VTI1B: variants seen among roughly 807,000 people sequenced by gnomAD.
VTI1B encodes vesicle transport through interaction with t-SNAREs homolog 1B.
A neutral mutation model predicts 28.6 loss-of-function variants in VTI1B; 18 were observed. That is an observed-to-expected ratio of 0.63 (90% CI 0.43 to 0.93). VTI1B has a LOEUF of 0.93. VTI1B is among the 40% of genes least tolerant of loss of function. The probability of loss-of-function intolerance (pLI) is 0.00; values close to 1 mark genes in which losing one functional copy is unlikely to be tolerated. For missense variants in VTI1B, 283 were observed against 297.0 expected (o/e 0.95, Z 0.35); for synonymous variants, 100 against 107.9 (o/e 0.93, Z 0.46).
rs1256506594 is a variant in VTI1B at position 67,650,091 on chromosome 14, C to CAAGTACA, written c.*1287_*1293dup. 1 of 152,324 alleles carries CAAGTACA rather than the reference C, an allele frequency of 6.6e-6. No individual in the cohort carries two copies. Among genetic ancestry groups the CAAGTACA allele is most frequent in the African/African-American group, 2.4e-5 (1 of 41,404 alleles). The allele number at this position is 152,324 out of a possible 1,614,324, so 9.4% of individuals were successfully genotyped here. On this transcript the variant is annotated 3_prime_UTR_variant, in exon 6 of 6. Transcript: ENST00000554659. ...ACATATGGCTGAATTTTCTCTTGAT[C>CAAGTACA]AAGTACAAGACACTGGGTCAGTCTG...
At chr14:67,660,094 C>T (rs1453901041) in intron 2 of VTI1B, 172 bp from the exon 3 acceptor site, 2 of 638,160 alleles carry the variant, frequency 3.1e-6, no homozygotes, top group Non-Finnish European at 5.2e-6. Flanking sequence ...ATTCTGAATG[C>T]CTTGCATAGT....
intron 3 of VTI1B, chr14:67,657,203 G>A (rs1290939808): frequency 3.9e-5 from 6 of 152,148 alleles, no homozygotes; most frequent in Non-Finnish European, 8.8e-5. Context: ...GAGTGGTATT[G>A]CCTAGATGAC....
intron 1 of VTI1B, among the ~76,000 whole-genome samples, chr14:67,666,945 G>A (rs185513680): frequency 6.6e-6 from 1 of 152,288 alleles, no homozygotes; most frequent in Non-Finnish European, 1.5e-5. Context: ...TCTTTTTAGG[G>A]AGTTAGAATT....
intron 2 of VTI1B, among the ~76,000 whole-genome samples, chr14:67,660,962 T>C (rs2037326302): frequency 6.6e-6 from 1 of 152,196 alleles, no homozygotes; most frequent in Admixed American, 6.5e-5. Flanking sequence ...AGGAAGAAGA[T>C]AGTTCCCACA....
chr14:67,674,287 G>A (rs769473370), intron 1 of VTI1B, 88 bp downstream of exon 1: 260 of 1,261,106 alleles, frequency 2.1e-4, no homozygotes, highest in Non-Finnish European at 2.6e-4. Context: ...AGGAGACGCG[G>A]GCCCGGGTCT....
intron 1 of VTI1B, among the ~76,000 whole-genome samples, chr14:67,670,019 C>A (rs971559235): frequency 1.3e-5 from 2 of 152,144 alleles, no homozygotes; most frequent in African/African-American, 4.8e-5. Context: ...CACCTGAGCC[C>A]GGGAAGCCAA....
chr14:67,664,342 C>T (rs908137241), intron 1 of VTI1B, among the ~76,000 whole-genome samples: 1 of 152,140 alleles, frequency 6.6e-6, no homozygotes, highest in Non-Finnish European at 1.5e-5. Context: ...TGGAATCATA[C>T]AATATTTGTC....
In VTI1B at chr14:67,647,271, A is replaced by G. The variant is rs1276740537; in HGVS notation, c.*4114T>C. On this transcript the variant is annotated 3_prime_UTR_variant, in exon 6 of 6. Coordinates refer to ENST00000554659, the MANE Select transcript of VTI1B (RefSeq NM_006370.3). Reference sequence around the variant, plus strand: ...TGAATTTTTCTTTATCTCCATCTTTAATGCTTATCTTCTGAGATGACAAGC... The same window carrying G: ...TGAATTTTTCTTTATCTCCATCTTTGATGCTTATCTTCTGAGATGACAAGC... 2.5e-6 allele frequency: 1 copy of G among 403,520 alleles called. No homozygotes were observed. Among genetic ancestry groups the G allele is most frequent in the Non-Finnish European group, 4.4e-6 (1 of 226,226 alleles). The allele number at this position is 403,520 out of a possible 1,614,324, so 25.0% of individuals were successfully genotyped here. A position where few individuals can be genotyped will look rare whatever the true frequency, so the allele number is the denominator to read the frequency against.
rs533960827 is a variant in VTI1B, at chr14:67,672,733, G to A, written c.115+1642C>T. On this transcript the variant is annotated intron_variant, in intron 1 of 5. Coordinates refer to ENST00000554659, the MANE Select transcript of VTI1B (RefSeq NM_006370.3). ...GCTGGAATTACAGGTGTGAGCCACC[G>A]TACCCTGCCTGCAGTCTACTTTTCA... Among the ~76,000 whole-genome samples, 9 of 151,928 alleles carry A rather than the reference G, an allele frequency of 5.9e-5. No individual in the cohort carries two copies. In the South Asian group the frequency reaches 1.3e-3, roughly 21 times the overall value.
chr14:67,650,740 T>C lies in VTI1B; in HGVS notation c.*645A>G, dbSNP rs147982459. On this transcript the variant is annotated 3_prime_UTR_variant, in exon 6 of 6. Transcript: ENST00000554659. Reference sequence around the variant, plus strand: ...GGTTGCTATCAGCACTGGATCTTGTTGAAGTCAATCCTCAGTTGGCCACCT... The same window carrying C: ...GGTTGCTATCAGCACTGGATCTTGTCGAAGTCAATCCTCAGTTGGCCACCT... 6.2e-7 allele frequency: 1 copy of C among 1,613,938 alleles called. No individual in the cohort carries two copies. Among genetic ancestry groups the C allele is most frequent in the Non-Finnish European group, 8.5e-7 (1 of 1,180,022 alleles).
intron 1 of VTI1B, among the ~76,000 whole-genome samples, chr14:67,662,757 A>T (rs924936737): frequency 6.6e-6 from 1 of 152,082 alleles, no homozygotes; most frequent in Non-Finnish European, 1.5e-5. Flanking sequence ...TACAAAAATT[A>T]GCCGGGCGTG....
intron 4 of VTI1B, 49 bp from the exon 5 acceptor site, chr14:67,653,547 G>A: frequency 6.6e-7 from 1 of 1,522,452 alleles, no homozygotes; most frequent in Non-Finnish European, 9.1e-7. Context: ...AGTATACTCT[G>A]TACAATTGAA....
chr14:67,651,174 A>G lies in VTI1B; in HGVS notation c.*211T>C, dbSNP rs970594572. 6.8e-6 allele frequency: 7 copies of G among 1,025,430 alleles called. No individual in the cohort carries two copies. The highest frequency in any genetic ancestry group is 9.7e-6 in the Non-Finnish European group (7 of 724,140). 63.5% of individuals were successfully genotyped at this position (1,025,430 alleles called of 1,614,324 possible). A position where few individuals can be genotyped will look rare whatever the true frequency, so the allele number is the denominator to read the frequency against. On this transcript the variant is annotated 3_prime_UTR_variant, in exon 6 of 6. Coordinates refer to ENST00000554659, the MANE Select transcript of VTI1B (RefSeq NM_006370.3). ...TTTAAAGAAGTCATAAACAGCATTT[A>G]TTACCTTGGTATATCATACTGGTCT...
rs893018647 is a variant in VTI1B at position 67,647,135 on chromosome 14, C to T, written c.*4250G>A. On this transcript the variant is annotated 3_prime_UTR_variant, in exon 6 of 6. Transcript: ENST00000554659. ...TTAAAATACAAAGCAAAAACATACA[C>T]ATAATTTTAAATAGTTCAGAAAGGC... 1 of 741,678 alleles carries T rather than the reference C, an allele frequency of 1.3e-6. No individual in the cohort carries two copies. Among genetic ancestry groups the T allele is most frequent in the African/African-American group, 1.8e-5 (1 of 56,602 alleles). 45.9% of individuals were successfully genotyped at this position (741,678 alleles called of 1,614,324 possible). A position where few individuals can be genotyped will look rare whatever the true frequency, so the allele number is the denominator to read the frequency against.
chr14:67,672,850 G>A (rs1300336517), intron 1 of VTI1B, among the ~76,000 whole-genome samples: 1 of 152,098 alleles, frequency 6.6e-6, no homozygotes, highest in Non-Finnish European at 1.5e-5. Context: ...TTTCACCATG[G>A]TCCACAAGGC....
In VTI1B at chr14:67,665,513, G is replaced by A. The variant is rs147896502; in HGVS notation, c.116-2978C>T. On this transcript the variant is annotated intron_variant, in intron 1 of 5. Coordinates refer to ENST00000554659, the MANE Select transcript of VTI1B (RefSeq NM_006370.3). ...TGACTCCTGGGCTCAGGCAATCCTC[G>A]ACCTCAGCCTACCAAAGTGTTGGGA... Among the ~76,000 whole-genome samples, 12 of 151,806 alleles carry A rather than the reference G, an allele frequency of 7.9e-5. No homozygotes were observed. In the South Asian group the frequency reaches 1.5e-3, roughly 18 times the overall value.
At chr14:67,653,686 T>A (rs1300382419) in intron 4 of VTI1B, among the ~76,000 whole-genome samples, 188 bp from the exon 5 acceptor site, 1 of 152,212 alleles carries the variant, frequency 6.6e-6, no homozygotes, top group Non-Finnish European at 1.5e-5. Context: ...TTAGTACTCA[T>A]CAAGTAGGCT....
intron 1 of VTI1B, among the ~76,000 whole-genome samples, chr14:67,669,551 G>A (rs2037441688): frequency 6.6e-6 from 1 of 151,826 alleles, no homozygotes; most frequent in African/African-American, 2.4e-5. Flanking sequence ...ACAGGCACGA[G>A]CCACCACACC....
intron 1 of VTI1B, chr14:67,662,993 TA>T (rs2037358480): frequency 7.1e-7 from 1 of 1,403,554 alleles, no homozygotes; most frequent in Admixed American, 3.2e-5. Context: ...TGTTAACTCG[TA>T]CACTACTTTT....
Sources: allele counts gnomAD v4.1 joint callset (sites outside exome capture counted in the v4.1 genomes callset), GRCh38; gene constraint gnomAD v4.1.1; transcripts MANE v1.5; gene names NCBI Gene and HGNC (gene_info 2026-07-23, HGNC 2026-07-21).